Variants in SDK1 observed in about 807,000 individuals in gnomAD.
The protein encoded by SDK1 is protein sidekick-1.
Under a neutral mutation model 245.5 loss-of-function variants are expected in SDK1, and 157 were observed. That is an observed-to-expected ratio of 0.64 (90% CI 0.56 to 0.73). The LOEUF is 0.73. Ranked by LOEUF, SDK1 falls within the 30% of genes least tolerant of loss-of-function variation. The probability of loss-of-function intolerance (pLI) is 0.00; values close to 1 mark genes in which losing one functional copy is unlikely to be tolerated. For missense variants in SDK1, 3,583 were observed against 3,002.3 expected, an observed-to-expected ratio of 1.19 and a Z score of -4.52; for synonymous variants, 1,647 against 1,278.5, an observed-to-expected ratio of 1.29 and a Z score of -6.15.
At chr7:3,780,613 C>T (rs1780701049) in intron 4 of SDK1, among the ~76,000 whole-genome samples, 1 of 152,200 alleles carries the variant, frequency 6.6e-6, no homozygotes, top group African/African-American at 2.4e-5. Flanking sequence ...CCCAACAAGC[C>T]TGCACAGGCA....
rs1451605180 is a variant in SDK1, at chr7:3,987,043, G to GT, written c.1995-141dup. On this transcript the variant is annotated intron_variant, in intron 13 of 44. Coordinates refer to ENST00000404826, the MANE Select transcript of SDK1 (RefSeq NM_152744.4). ...TGTGTCCTTTTCTGGGGGGAAGAGA[G>GT]TTAATATTTGTGTTTGGGCATATTT... The GT allele has an allele frequency of 5.3e-6, 4 of 758,198 alleles. No individual in the cohort carries two copies. The East Asian group carries it at 1.0e-4, about 19-fold the overall frequency. 47.0% of individuals were successfully genotyped at this position (758,198 alleles called of 1,614,324 possible). A position where few individuals can be genotyped will look rare whatever the true frequency, so the allele number is the denominator to read the frequency against.
At chr7:3,377,159 G>T (rs1489354697) in intron 1 of SDK1, among the ~76,000 whole-genome samples, 1 of 152,088 alleles carries the variant, frequency 6.6e-6, no homozygotes, top group Non-Finnish European at 1.5e-5. Context: ...TCTCTCTGAG[G>T]ATATGAATTA....
intron 1 of SDK1, among the ~76,000 whole-genome samples, chr7:3,437,201 A>G (rs974802970): frequency 1.1e-4 from 16 of 152,204 alleles, no homozygotes; most frequent in African/African-American, 3.6e-4. Context: ...ATTCCAATGC[A>G]AAAAATATGT....
Position 3,962,835 on chromosome 7 carries a change from C to T in SDK1, c.1413C>T (p.Thr471=), listed in dbSNP as rs771018410. 6.2e-7 allele frequency: 1 copy of T among 1,612,480 alleles called. No individual in the cohort carries two copies. Among genetic ancestry groups the T allele is most frequent in the East Asian group, 2.2e-5 (1 of 44,848 alleles). ...SNEGGEIQTH[T]YLDVTNIAPV... is the part of the protein sequence containing the mutation. ...AAGGAGGGGAGATCCAGACCCACAC[C>T]TACCTGGATGTAACCAGTGAGTACA... is the stretch of plus-strand genomic sequence containing the variant. Residue 471 remains threonine, a synonymous_variant, in exon 9 of 45, where the codon ACC becomes ACT. Transcript: ENST00000404826.
intron 4 of SDK1, among the ~76,000 whole-genome samples, chr7:3,741,208 C>T (rs2115052444): frequency 6.6e-6 from 1 of 152,306 alleles, no homozygotes; most frequent in East Asian, 1.9e-4. Flanking sequence ...CAGTCTTTCC[C>T]TCTAACCATG....
chr7:3,352,379 A>C (rs890419180), intron 1 of SDK1, among the ~76,000 whole-genome samples: 2 of 152,024 alleles, frequency 1.3e-5, no homozygotes, highest in Admixed American at 1.3e-4. Flanking sequence ...TAATTGTTTG[A>C]GCTAAATGGG....
At chr7:3,892,851 C>G (rs1288916311) in intron 5 of SDK1, among the ~76,000 whole-genome samples, 1 of 152,188 alleles carries the variant, frequency 6.6e-6, no homozygotes, top group African/African-American at 2.4e-5. Context: ...CACTTTCCCT[C>G]TGTGGATCTC....
At chr7:4,049,155 A>G (rs1267216758) in intron 17 of SDK1, among the ~76,000 whole-genome samples, 193 bp from the exon 18 acceptor site, 2 of 152,218 alleles carry the variant, frequency 1.3e-5, no homozygotes, top group Non-Finnish European at 2.9e-5. Context: ...TGCAAGAGAA[A>G]ATGAAAAATA....
At chr7:4,059,314 ATACTT>A (rs1415069914) in intron 19 of SDK1, among the ~76,000 whole-genome samples, 1 of 152,240 alleles carries the variant, frequency 6.6e-6, no homozygotes, top group Non-Finnish European at 1.5e-5. Context: ...CTTAGATAAA[ATACTT>A]TAAGTAAAAA....
intron 4 of SDK1, among the ~76,000 whole-genome samples, chr7:3,735,196 A>G (rs906943377): frequency 3.3e-5 from 5 of 152,340 alleles, no homozygotes; most frequent in Admixed American, 1.3e-4. Context: ...CATAAAATTT[A>G]TCATCCTAAC....
At chr7:4,149,927 C>G (rs1780242275) in intron 30 of SDK1, among the ~76,000 whole-genome samples, 1 of 152,146 alleles carries the variant, frequency 6.6e-6, no homozygotes, top group African/African-American at 2.4e-5. Flanking sequence ...ACTGTGCTTC[C>G]TTAGTGATGG....
At chr7:3,427,239 C>T (rs1220779965) in intron 1 of SDK1, among the ~76,000 whole-genome samples, 2 of 152,060 alleles carry the variant, frequency 1.3e-5, no homozygotes, top group Admixed American at 1.3e-4. Context: ...TAATGTAAAA[C>T]ATTAGATGAA....
chr7:3,516,928 C>G (rs1028158825), intron 1 of SDK1, among the ~76,000 whole-genome samples: 3 of 152,128 alleles, frequency 2.0e-5, no homozygotes, highest in Non-Finnish European at 4.4e-5. Flanking sequence ...TGGGTCAGAT[C>G]TGCCTGCTGT....
At chr7:3,629,379 C>A (rs1051883578) in intron 2 of SDK1, among the ~76,000 whole-genome samples, 1 of 151,936 alleles carries the variant, frequency 6.6e-6, no homozygotes, top group Non-Finnish European at 1.5e-5. Flanking sequence ...CAGAGGGTCC[C>A]CCTTTAATAT....
intron 13 of SDK1, 58 bp downstream of exon 13, chr7:3,974,603 CT>C: frequency 6.6e-7 from 1 of 1,510,076 alleles, no homozygotes; most frequent in Admixed American, 1.7e-5. Flanking sequence ...TACTGTGCCC[CT>C]GTTAGTGACT....
intron 16 of SDK1, among the ~76,000 whole-genome samples, chr7:4,015,261 G>C (rs1038182443): frequency 6.6e-6 from 1 of 152,156 alleles, no homozygotes; most frequent in South Asian, 2.1e-4. Flanking sequence ...AAAGTCTTCC[G>C]ATGCTGGTTC....
chr7:3,979,471 C>G (rs1402112500), intron 13 of SDK1, among the ~76,000 whole-genome samples: 2 of 152,160 alleles, frequency 1.3e-5, no homozygotes, highest in African/African-American at 4.8e-5. Flanking sequence ...CCCTCAATGC[C>G]TGGACCAGTG....
intron 1 of SDK1, among the ~76,000 whole-genome samples, chr7:3,466,584 G>A (rs913833267): frequency 8.6e-5 from 13 of 150,432 alleles, no homozygotes; most frequent in African/African-American, 2.9e-4. Context: ...CTCTTATCTC[G>A]ATATGAGGAT....
At chr7:3,317,949 C>G (rs73046618) in intron 1 of SDK1, among the ~76,000 whole-genome samples, 16,794 of 152,120 alleles carry the variant, frequency 0.11, 1,184 homozygotes, top group African/African-American at 0.19. Flanking sequence ...CATACCATAT[C>G]AAAATGTAGT....
Sources: gnomAD v4.1 joint callset for allele counts (sites outside exome capture counted in the v4.1 genomes callset) on GRCh38, gnomAD v4.1.1 for gene constraint, MANE v1.5 for transcripts, NCBI Gene and HGNC (gene_info 2026-07-23, HGNC 2026-07-21) for gene names.